SPTLC3: variants seen among roughly 807,000 people sequenced by gnomAD.
The protein encoded by SPTLC3 is serine palmitoyltransferase 3.
In SPTLC3, 36 loss-of-function variants were observed where a neutral mutation model predicts 59.3. The ratio of observed to expected loss-of-function variants is 0.61; its 90% CI spans 0.47 to 0.80. The LOEUF is 0.80. SPTLC3 is among the 30% of genes least tolerant of loss of function. The pLI, the probability that SPTLC3 is intolerant of heterozygous loss-of-function variation, is 0.00. For missense variants in SPTLC3, 625 were observed against 685.1 expected (o/e 0.91, Z 0.98); for synonymous variants, 257 against 240.8 (o/e 1.07, Z -0.62).
intron 11 of SPTLC3, 174 bp from the exon 12 acceptor site, chr20:13,164,580 C>G: frequency 1.6e-6 from 1 of 612,530 alleles, no homozygotes; most frequent in South Asian, 2.0e-5. Flanking sequence ...TAACATTCCT[C>G]TAGGGTCTTA....
intron 2 of SPTLC3, among the ~76,000 whole-genome samples, chr20:13,053,133 A>T (rs1987567231): frequency 6.6e-6 from 1 of 152,142 alleles, no homozygotes; most frequent in Admixed American, 6.5e-5. Context: ...CAGACACCTC[A>T]TACAGGAGAG....
intron 11 of SPTLC3, among the ~76,000 whole-genome samples, chr20:13,161,236 C>T (rs2038889454): frequency 6.6e-6 from 1 of 152,136 alleles, no homozygotes. Flanking sequence ...GATGGTGAAG[C>T]ACTTAAATGA....
intron 7 of SPTLC3, 60 bp downstream of exon 7, chr20:13,110,277 G>A (rs964825458): frequency 1.2e-5 from 17 of 1,412,190 alleles, no homozygotes; most frequent in African/African-American, 1.0e-4. Context: ...TGACCAGTGC[G>A]GAAAGGCTCA....
chr20:13,119,256 G>A (rs757623183), intron 8 of SPTLC3, among the ~76,000 whole-genome samples: 2 of 152,114 alleles, frequency 1.3e-5, no homozygotes, highest in African/African-American at 4.8e-5. Context: ...TGAATAAACC[G>A]AAGCAAGCCA....
At chr20:13,146,715 A>ATTCT (rs1419703849) in intron 9 of SPTLC3, among the ~76,000 whole-genome samples, 2 of 152,142 alleles carry the variant, frequency 1.3e-5, no homozygotes, top group Non-Finnish European at 1.5e-5. Context: ...CAGTGTCAGA[A>ATTCT]ATTTTTCATC....
At chr20:13,064,165 G>A (rs1465029824) in intron 2 of SPTLC3, among the ~76,000 whole-genome samples, 1 of 151,220 alleles carries the variant, frequency 6.6e-6, no homozygotes, top group Non-Finnish European at 1.5e-5. Flanking sequence ...GAGTAGCTGG[G>A]ATTACAGGCA....
intron 1 of SPTLC3, among the ~76,000 whole-genome samples, chr20:13,023,177 C>CTTTCTA (rs917875950): frequency 1.3e-5 from 2 of 152,044 alleles, no homozygotes; most frequent in African/African-American, 4.8e-5. Context: ...GGCTCACATG[C>CTTTCTA]TTTCTAAAAT....
intron 6 of SPTLC3, among the ~76,000 whole-genome samples, chr20:13,104,921 A>C (rs563529408): frequency 9.2e-5 from 14 of 152,312 alleles, no homozygotes; most frequent in African/African-American, 1.9e-4. Context: ...CAAAAAACAA[A>C]AACCTAACAG....
rs2038909996 is a variant in SPTLC3, at chr20:13,162,295, T to C, written c.1545+2163T>C. On this transcript the variant is annotated intron_variant, in intron 11 of 11. Transcript: ENST00000399002. ...GAGATGGCAGGAGGGACACACAGCA[T>C]GGATGAATTTGTAATTTTGTGCTCC... 2.0e-5 allele frequency among the ~76,000 whole-genome samples: 3 copies of C among 152,148 alleles called. No individual in the cohort carries two copies. The South Asian group carries it at 6.2e-4, about 32-fold the overall frequency.
At chr20:13,012,270 A>C (rs1985293680) in intron 1 of SPTLC3, among the ~76,000 whole-genome samples, 1 of 152,170 alleles carries the variant, frequency 6.6e-6, no homozygotes, top group Non-Finnish European at 1.5e-5. Flanking sequence ...GGAAAACAAA[A>C]ATGTTTGGGG....
intron 1 of SPTLC3, among the ~76,000 whole-genome samples, chr20:13,028,971 G>T (rs932958603): frequency 2.0e-5 from 3 of 152,196 alleles, no homozygotes; most frequent in Non-Finnish European, 4.4e-5. Context: ...TCCAGGGCAA[G>T]ACATGCCTGT....
Position 13,067,044 on chromosome 20 carries a change from CATATATATATATATATATAT to C in SPTLC3, c.304-5173_304-5154del, listed in dbSNP as rs143918659. ...TGTTTATATAAAAATGTCACTTCTA[CATATATATATATATATATAT>C]ATATATATATATATATATATATATA... On this transcript the variant is annotated intron_variant, in intron 2 of 11. Transcript: ENST00000399002. Among the ~76,000 whole-genome samples, 16 of 71,136 alleles carry C rather than the reference CATATATATATATATATATAT, an allele frequency of 2.2e-4. 1 individual carries two copies. Among genetic ancestry groups the C allele is most frequent in the South Asian group, 1.2e-3 (2 of 1,610 alleles). 46.7% of individuals were successfully genotyped at this position (71,136 alleles called of 152,430 possible).
intron 7 of SPTLC3, among the ~76,000 whole-genome samples, chr20:13,115,960 A>T (rs950341918): frequency 2.0e-5 from 3 of 152,192 alleles, no homozygotes; most frequent in African/African-American, 7.2e-5. Context: ...CTTCCCCTCA[A>T]TGGAAACAAT....
chr20:13,031,005 T>C (rs897151472), intron 1 of SPTLC3, among the ~76,000 whole-genome samples: 4 of 152,182 alleles, frequency 2.6e-5, no homozygotes, highest in African/African-American at 7.2e-5. Flanking sequence ...CTTTGATAGA[T>C]AGTAAATATT....
At chr20:13,161,845 CAG>C (rs1002214807) in intron 11 of SPTLC3, among the ~76,000 whole-genome samples, 1 of 152,174 alleles carries the variant, frequency 6.6e-6, no homozygotes, top group African/African-American at 2.4e-5. Context: ...CACACACACA[CAG>C]AGTTGCCATG....
chr20:13,152,717 A>G (rs1008340563), intron 9 of SPTLC3, among the ~76,000 whole-genome samples: 3 of 152,150 alleles, frequency 2.0e-5, no homozygotes, highest in Non-Finnish European at 4.4e-5. Flanking sequence ...TGGCCCTCAT[A>G]CCACCTTGTA....
chr20:13,020,385 G>A (rs1985814817), intron 1 of SPTLC3, among the ~76,000 whole-genome samples: 1 of 151,606 alleles, frequency 6.6e-6, no homozygotes, highest in South Asian at 2.1e-4. Flanking sequence ...TAATTAGCTG[G>A]ACGTGGTGGC....
chr20:13,091,281 G>A, intron 5 of SPTLC3, 74 bp downstream of exon 5: 3 of 1,560,094 alleles, frequency 1.9e-6, no homozygotes, highest in Non-Finnish European at 2.6e-6. Flanking sequence ...GTCCTTGTTA[G>A]AAGTATGGCT....
At chr20:13,098,838 C>G (rs1054571154) in intron 6 of SPTLC3, among the ~76,000 whole-genome samples, 1 of 152,148 alleles carries the variant, frequency 6.6e-6, no homozygotes, top group Non-Finnish European at 1.5e-5. Context: ...TGTCCAAGAT[C>G]ATACAACTGA....
Sources: allele counts gnomAD v4.1 joint callset (sites outside exome capture counted in the v4.1 genomes callset), GRCh38; gene constraint gnomAD v4.1.1; transcripts MANE v1.5; gene names NCBI Gene and HGNC (gene_info 2026-07-23, HGNC 2026-07-21).